ABCC6: variants seen among roughly 807,000 people sequenced by gnomAD.
The protein encoded by ABCC6 is ATP-binding cassette sub-family C member 6.
A neutral mutation model predicts 169.5 loss-of-function variants in ABCC6; 126 were observed. That is an observed-to-expected ratio of 0.74 (90% CI 0.64 to 0.86). The LOEUF is 0.86. Ranked by LOEUF, ABCC6 falls within the 40% of genes least tolerant of loss-of-function variation. The pLI, the probability that ABCC6 is intolerant of heterozygous loss-of-function variation, is 0.00. For missense variants in ABCC6, 1,733 were observed against 1,927.2 expected (o/e 0.90, Z 1.89); for synonymous variants, 752 against 814.7 (o/e 0.92, Z 1.31).
At chr16:16,190,016 G>T in intron 12 of ABCC6, 148 bp downstream of exon 12, 1 of 801,084 alleles carries the variant, frequency 1.2e-6, no homozygotes, top group Non-Finnish European at 2.0e-6. Context: ...GTAGAAGACA[G>T]CAGGGACCCA....
Position 16,208,811 on chromosome 16 carries a change from C to A in ABCC6, c.711G>T (p.Trp237Cys). 6.2e-7 allele frequency: 1 copy of A among 1,613,486 alleles called. No individual in the cohort carries two copies. Among genetic ancestry groups the A allele is most frequent in the Non-Finnish European group, 8.5e-7 (1 of 1,179,768 alleles). ...YRRPLRPKDL[W>C]SLGRENSSEE... is the part of the protein sequence containing the mutation. ...CTGAGGAGTTTTCTCTCCCAAGCGA[C>A]CAGAGGTCTTTTGGTCTCAGTGGCC... Residue 237 changes from tryptophan (W) to cysteine (C), a missense_variant, in exon 7 of 31, where the codon TGG becomes TGT. Physicochemically the swap from Trp to Cys is radical, Grantham distance 215. Coordinates refer to ENST00000205557, the MANE Select transcript of ABCC6 (RefSeq NM_001171.6).
chr16:16,174,377 A>C (rs577856957), intron 20 of ABCC6, among the ~76,000 whole-genome samples: 1 of 152,060 alleles, frequency 6.6e-6, no homozygotes, highest in Non-Finnish European at 1.5e-5. Flanking sequence ...CTGTCTATTA[A>C]TCTTTGACCC....
At position 16,182,414 on chromosome 16, in the gene ABCC6, G is replaced by A. The variant is rs66616070; in HGVS notation, c.2245C>T (p.Gln749Ter). 1.9e-6 allele frequency: 3 copies of A among 1,613,692 alleles called. No individual in the cohort carries two copies. The highest frequency in any genetic ancestry group is 1.3e-5 in the African/African-American group (1 of 74,972). ...PEGIHTSIGE[Q>*]GMNLSGGQKQ... ...CAAAAAGACCCCCAAACTCTCACCT[G>A]CTCCCCAATTGAAGTGTGGATTCCC... The change falls in exon 17 of 31, where the codon CAG becomes TAG. Residue 749 changes from glutamine to a stop codon, truncating the protein, a stop_gained and splice_region_variant. Transcript: ENST00000205557. LOFTEE classifies it high-confidence loss of function.
chr16:16,161,320 G>A, intron 25 of ABCC6, 118 bp downstream of exon 25: 1 of 1,477,180 alleles, frequency 6.8e-7, no homozygotes, highest in Non-Finnish European at 9.3e-7. Context: ...CCTTGGTGGA[G>A]GGACTCCACA....
chr16:16,215,441 G>A (rs903191711), intron 4 of ABCC6, among the ~76,000 whole-genome samples: 3 of 31,714 alleles, frequency 9.5e-5, no homozygotes, highest in African/African-American at 1.4e-4. Flanking sequence ...AATTTTAGGT[G>A]TGTGTGTGTG....
chr16:16,185,185 T>A, intron 14 of ABCC6, 151 bp from the exon 15 acceptor site: 1 of 755,554 alleles, frequency 1.3e-6, no homozygotes, highest in Non-Finnish European at 2.3e-6. Context: ...TGCTACTCAC[T>A]GGCTTGTGGG....
chr16:16,211,172 C>G (rs1596744419), intron 6 of ABCC6, among the ~76,000 whole-genome samples: 1 of 151,794 alleles, frequency 6.6e-6, no homozygotes, highest in South Asian at 2.1e-4. Flanking sequence ...GAAGCCGAGG[C>G]GGGCAGATCA....
At position 16,154,644 on chromosome 16, in the gene ABCC6, G is replaced by A. The variant is rs66913554; in HGVS notation, c.4192C>T (p.Arg1398Ter). Residue 1398 changes from arginine (R) to a stop codon, truncating the protein, a stop_gained, in exon 29 of 31, where the codon CGA becomes TGA. Coordinates refer to ENST00000205557, the MANE Select transcript of ABCC6 (RefSeq NM_001171.6). LOFTEE classifies it high-confidence loss of function. ...CGACCATACCTCAGGTCCTCGCCTC[G>A]GTCAGCACACTTGTACTGCAGCTGG... ...PGQLQYKCADRGEDLSVGQKQ... is the reference protein window; with the variant it reads ...PGQLQYKCAD 17 of 1,612,234 alleles carry A rather than the reference G, an allele frequency of 1.1e-5. No individual in the cohort carries two copies. The highest frequency in any genetic ancestry group is 6.7e-5 in the East Asian group (3 of 44,858).
intron 24 of ABCC6, 139 bp from the exon 25 acceptor site, chr16:16,161,703 C>T: frequency 1.7e-6 from 2 of 1,170,186 alleles, no homozygotes; most frequent in Non-Finnish European, 2.5e-6. Flanking sequence ...AACCCAGGCT[C>T]AGGGAGTAGA....
At chr16:16,193,080 G>A (rs373962737) in intron 10 of ABCC6, among the ~76,000 whole-genome samples, 158 bp from the exon 11 acceptor site, 1 of 152,162 alleles carries the variant, frequency 6.6e-6, no homozygotes, top group South Asian at 2.1e-4. Flanking sequence ...GTAAGTCACA[G>A]GATGAGATAG....
intron 29 of ABCC6, among the ~76,000 whole-genome samples, chr16:16,152,430 T>C (rs1359679699): frequency 2.0e-5 from 3 of 151,940 alleles, no homozygotes; most frequent in African/African-American, 7.3e-5. Flanking sequence ...ATGCAGGCGT[T>C]AGAGTGCCTG....
intron 10 of ABCC6, among the ~76,000 whole-genome samples, chr16:16,194,142 G>C (rs1465252964): frequency 6.6e-6 from 1 of 152,248 alleles, no homozygotes; most frequent in African/African-American, 2.4e-5. Flanking sequence ...AGAGTTTTGA[G>C]TGTGGCCTTG....
At position 16,192,807 on chromosome 16, in the gene ABCC6, C is replaced by T. The variant is rs59683222; in HGVS notation, c.1431+23G>A. On this transcript the variant is annotated intron_variant, in intron 11 of 30. Transcript: ENST00000205557. ...CTTCCTCCCTACTTCCTGCCTGGTC[C>T]GTCCCTTTCCCAAAAGCCAAACCTG... is the stretch of plus-strand genomic sequence containing the variant. 2,679 of 1,600,008 alleles carry T rather than the reference C, an allele frequency of 1.7e-3. 24 individuals are homozygous for T. In the African/African-American group the frequency reaches 0.019, roughly 11 times the overall value.
At chr16:16,157,375 T>A (rs1456720480) in intron 27 of ABCC6, among the ~76,000 whole-genome samples, 1 of 152,122 alleles carries the variant, frequency 6.6e-6, no homozygotes, top group Non-Finnish European at 1.5e-5. Context: ...ACCTGGAGCA[T>A]TTAACACACT....
chr16:16,195,303 A>ATTTTT (rs61393724), intron 10 of ABCC6, among the ~76,000 whole-genome samples: 1 of 96,572 alleles, frequency 1.0e-5, no homozygotes, highest in African/African-American at 3.9e-5. Context: ...GTCTCATCTA[A>ATTTTT]TTTTTTTTTT....
At chr16:16,208,395 C>T (rs1331083193) in intron 7 of ABCC6, among the ~76,000 whole-genome samples, 2 of 150,364 alleles carry the variant, frequency 1.3e-5, no homozygotes, top group Admixed American at 6.6e-5. Context: ...TTTTTTGATA[C>T]GGAGTCTGGC....
At chr16:16,188,302 GA>G (rs1211783295) in intron 13 of ABCC6, among the ~76,000 whole-genome samples, 3 of 151,870 alleles carry the variant, frequency 2.0e-5, no homozygotes, top group Non-Finnish European at 4.4e-5. Context: ...TGGGGCAGGA[GA>G]ATCACTTGAA....
intron 10 of ABCC6, among the ~76,000 whole-genome samples, chr16:16,195,958 C>A (rs1417597239): frequency 6.6e-6 from 1 of 152,044 alleles, no homozygotes; most frequent in African/African-American, 2.4e-5. Flanking sequence ...GCCCGTAATC[C>A]CAGCACTTTG....
At chr16:16,175,039 A>G (rs1481979749) in intron 20 of ABCC6, among the ~76,000 whole-genome samples, 1 of 151,686 alleles carries the variant, frequency 6.6e-6, no homozygotes, top group African/African-American at 2.4e-5. Flanking sequence ...TCAGTTTCCC[A>G]AAGTGCTGGG....
Sources: allele counts gnomAD v4.1 joint callset (sites outside exome capture counted in the v4.1 genomes callset), GRCh38; gene constraint gnomAD v4.1.1; transcripts MANE v1.5; gene names NCBI Gene and HGNC (gene_info 2026-07-23, HGNC 2026-07-21).